Variants in MAST4 observed in about 807,000 individuals in gnomAD.
MAST4 encodes microtubule associated serine/threonine kinase family member 4.
MAST4 carries 89 observed loss-of-function variants against 162.7 expected under a neutral mutation model. The observed-to-expected ratio is 0.55, with a 90% CI of 0.46 to 0.65. The LOEUF is 0.65. Ranked by LOEUF, MAST4 falls within the 30% of genes least tolerant of loss-of-function variation. MAST4 has a pLI of 0.00. For synonymous variants in MAST4, 1,479 were observed against 1,361.1 expected (o/e 1.09, Z -1.91); for missense variants, 3,153 against 3,374.0 (o/e 0.93, Z 1.62).
chr5:67,017,095 G>A (rs542778), intron 4 of MAST4, among the ~76,000 whole-genome samples: 76,570 of 152,022 alleles, frequency 0.5, 20,557 homozygotes, highest in African/African-American at 0.7. Flanking sequence ...TGAGAAAATT[G>A]CTGTGTTTAG....
At chr5:66,618,660 C>A (rs1434129585) in intron 1 of MAST4, among the ~76,000 whole-genome samples, 1 of 126,832 alleles carries the variant, frequency 7.9e-6, no homozygotes, top group East Asian at 3.1e-4. Context: ...CTAGATGCGA[C>A]TTTTGATGTT....
intron 26 of MAST4, among the ~76,000 whole-genome samples, chr5:67,158,133 CTCAAT>C (rs1772761145): frequency 6.6e-6 from 1 of 152,078 alleles, no homozygotes; most frequent in South Asian, 2.1e-4. Flanking sequence ...TCAGCATGGC[CTCAAT>C]TTGTGAAGAG....
In MAST4 at chr5:66,999,073, A is replaced by G. The variant is rs1306515751; in HGVS notation, c.675-55331A>G. Among the ~76,000 whole-genome samples the G allele has an allele frequency of 2.0e-5, 3 of 152,176 alleles. No homozygotes were observed. In the East Asian group the frequency reaches 5.8e-4, roughly 29 times the overall value. ...TGGAGGCCAGTGCTCCACGTGGTTT[A>G]TTGATGGATCTTCCAGACAGCTGTT... On this transcript the variant is annotated intron_variant, in intron 4 of 28. Transcript: ENST00000403625.
intron 1 of MAST4, among the ~76,000 whole-genome samples, chr5:66,717,116 A>G (rs1750891807): frequency 6.6e-6 from 1 of 152,104 alleles, no homozygotes; most frequent in Admixed American, 6.5e-5. Context: ...AGGAGCCTGG[A>G]CTTCAGGCTA....
chr5:67,086,434 C>A (rs1322990342), intron 5 of MAST4, among the ~76,000 whole-genome samples: 1 of 152,178 alleles, frequency 6.6e-6, no homozygotes, highest in Non-Finnish European at 1.5e-5. Flanking sequence ...AAATGAGGCA[C>A]CCTGTGTAGT....
At position 67,165,441 on chromosome 5, in the gene MAST4, G is replaced by A; in HGVS notation, c.6262G>A (p.Ala2088Thr). 6.2e-7 allele frequency: 1 copy of A among 1,613,920 alleles called. No individual in the cohort carries two copies. The highest frequency in any genetic ancestry group is 8.5e-7 in the Non-Finnish European group (1 of 1,179,902). Residue 2088 changes from alanine (A) to threonine (T), a missense_variant, in exon 29 of 29, where the codon GCC becomes ACC. Transcript: ENST00000403625. Reference protein sequence around the residue: ...GVEPKPEALLARRSLQPPGIE... With the variant: ...GVEPKPEALLTRRSLQPPGIE... The stretch of plus-strand genomic sequence containing the variant: ...GGAACCCAAGCCCGAAGCGCTTCTT[G>A]CCAGGCGGTCTCTGCAGCCACCTGG...
chr5:67,164,035 C>T lies in MAST4; in HGVS notation c.4856C>T (p.Ala1619Val), dbSNP rs746229240. The stretch of plus-strand genomic sequence containing the variant: ...GCCAGCGTGCGCGCCAGCGAGGGTG[C>T]GATGTCGGATGGCCGGGTGCCTGCG... Reference protein sequence around the residue: ...KQASVRASEGAMSDGRVPAEH... With the variant: ...KQASVRASEGVMSDGRVPAEH... Residue 1619 changes from alanine (A) to valine (V), a missense_variant, in exon 29 of 29, where the codon GCG becomes GTG. Transcript: ENST00000403625. This position sits in a 1 kb window ranked among gnomAD's most constrained non-coding sequence, Gnocchi z 5.3. 1.9e-6 allele frequency: 3 copies of T among 1,582,464 alleles called. No individual in the cohort carries two copies. The highest frequency in any genetic ancestry group is 1.1e-5 in the South Asian group (1 of 87,460).
intron 6 of MAST4, chr5:67,094,276 C>A: frequency 3.4e-6 from 2 of 584,354 alleles, no homozygotes; most frequent in Non-Finnish European, 5.6e-6. Context: ...ACACCCATGG[C>A]AGCCTATAAT....
chr5:67,021,863 A>G (rs1044017337), intron 4 of MAST4, among the ~76,000 whole-genome samples: 12 of 152,312 alleles, frequency 7.9e-5, no homozygotes, highest in Non-Finnish European at 1.0e-4. Flanking sequence ...TTTTCAGGAT[A>G]CTAAAAGGAT....
Position 67,039,523 on chromosome 5 carries a change from G to A in MAST4, c.675-14881G>A, listed in dbSNP as rs116421807. Reference sequence around the variant, plus strand: ...GGAGGAATTGATGTGTTATCCTGGAGCTTGGAGTACTTACTGATAAGGACC... The same window carrying A: ...GGAGGAATTGATGTGTTATCCTGGAACTTGGAGTACTTACTGATAAGGACC... On this transcript the variant is annotated intron_variant, in intron 4 of 28. Transcript: ENST00000403625. 6.7e-3 allele frequency among the ~76,000 whole-genome samples: 1,015 copies of A among 152,246 alleles called. 11 individuals carry two copies. Among genetic ancestry groups the A allele is most frequent in the African/African-American group, 0.024 (981 of 41,532 alleles).
At chr5:66,846,459 C>A (rs1356126743) in intron 3 of MAST4, among the ~76,000 whole-genome samples, 2 of 151,946 alleles carry the variant, frequency 1.3e-5, no homozygotes, top group Non-Finnish European at 2.9e-5. Flanking sequence ...ATATTTTATC[C>A]ATGAGAGGCA....
At chr5:66,958,169 G>C (rs956191433) in intron 4 of MAST4, among the ~76,000 whole-genome samples, 4 of 152,088 alleles carry the variant, frequency 2.6e-5, no homozygotes, top group Non-Finnish European at 5.9e-5. Flanking sequence ...GAGAAAGAGA[G>C]AGAAAGAGAA....
At chr5:67,074,328 A>G (rs1206951929) in intron 5 of MAST4, among the ~76,000 whole-genome samples, 1 of 152,186 alleles carries the variant, frequency 6.6e-6, no homozygotes, top group East Asian at 1.9e-4. Flanking sequence ...ATTGAAATGG[A>G]TATTTTCACT....
intron 3 of MAST4, chr5:66,828,768 G>T: frequency 6.4e-7 from 1 of 1,567,938 alleles, no homozygotes; most frequent in Non-Finnish European, 8.6e-7. Flanking sequence ...GCCGGGCTCT[G>T]AATTAGCGTG....
At position 67,118,961 on chromosome 5, in the gene MAST4, C is replaced by T. The variant is rs145524051; in HGVS notation, c.1659+212C>T. ...TAGTCTGTCCAGTCCCAGAAGATTT[C>T]CCAAGGAAATGGCACTTGAGCTAAA... On this transcript the variant is annotated intron_variant, in intron 13 of 28. Coordinates refer to ENST00000403625, the MANE Select transcript of MAST4 (RefSeq NM_001164664.2). 2.0e-3 allele frequency among the ~76,000 whole-genome samples: 307 copies of T among 152,234 alleles called. 1 individual carries two copies. The highest frequency in any genetic ancestry group is 7.0e-3 in the African/African-American group (290 of 41,548).
chr5:66,902,531 AAAAAGCAAACTATTCTGTCTAG>A (rs1474665659), intron 4 of MAST4: 16 of 208,810 alleles, frequency 7.7e-5, no homozygotes, highest in Non-Finnish European at 1.5e-4. Flanking sequence ...TGAAAGTATA[AAAAAGCAAACTATTCTGTCTAG>A]AAAAAGAAAT....
intron 4 of MAST4, among the ~76,000 whole-genome samples, chr5:66,955,151 G>T (rs1162432650): frequency 6.6e-6 from 1 of 151,412 alleles, no homozygotes; most frequent in Non-Finnish European, 1.5e-5. Context: ...GGCAGAGGTT[G>T]CAGTGAGCCG....
chr5:66,875,633 C>G (rs540353234), intron 3 of MAST4, among the ~76,000 whole-genome samples: 2 of 152,256 alleles, frequency 1.3e-5, no homozygotes, highest in Admixed American at 6.5e-5. Context: ...GTTATGATTA[C>G]TGTTACCATA....
chr5:67,151,250 C>G (rs545862747), intron 24 of MAST4, among the ~76,000 whole-genome samples: 3 of 152,206 alleles, frequency 2.0e-5, no homozygotes, highest in Non-Finnish European at 2.9e-5. Context: ...TTGTTGATCA[C>G]AGTTCTAGAG....
Sources: allele counts gnomAD v4.1 joint callset (sites outside exome capture counted in the v4.1 genomes callset), GRCh38; gene constraint gnomAD v4.1.1; non-coding constraint Gnocchi (gnomAD v3.1); transcripts MANE v1.5; gene names NCBI Gene and HGNC (gene_info 2026-07-23, HGNC 2026-07-21).